Variants in AMN1 observed in about 807,000 individuals in gnomAD.
The protein encoded by AMN1 is protein AMN1 homolog.
A neutral mutation model predicts 33.0 loss-of-function variants in AMN1; 20 were observed. The ratio of observed to expected loss-of-function variants is 0.61; its 90% CI spans 0.43 to 0.88. The LOEUF is 0.88. AMN1 is among the 40% of genes least tolerant of loss of function. The pLI is 0.00. For synonymous variants in AMN1, 114 were observed against 111.9 expected (o/e 1.02, Z -0.12); for missense variants, 246 against 307.4 (o/e 0.80, Z 1.49).
chr12:31,707,993 T>C (rs968022956), intron 2 of AMN1, among the ~76,000 whole-genome samples: 4 of 152,322 alleles, frequency 2.6e-5, no homozygotes, highest in African/African-American at 9.6e-5. Context: ...GTACGTCACC[T>C]CTGGACCACT....
At chr12:31,726,652 G>C (rs1031881395) in intron 1 of AMN1, among the ~76,000 whole-genome samples, 1 of 152,208 alleles carries the variant, frequency 6.6e-6, no homozygotes, top group Admixed American at 6.5e-5. Flanking sequence ...TAAATAATGT[G>C]CTTAGTGACA....
chr12:31,697,566 T>G, intron 4 of AMN1, 149 bp from the exon 5 acceptor site: 2 of 1,034,966 alleles, frequency 1.9e-6, no homozygotes, highest in Non-Finnish European at 2.9e-6. Flanking sequence ...CCCTTGCTAC[T>G]TAATTGAGAG....
At chr12:31,716,395 C>T (rs568565998) in intron 1 of AMN1, among the ~76,000 whole-genome samples, 1 of 152,198 alleles carries the variant, frequency 6.6e-6, no homozygotes, top group African/African-American at 2.4e-5. Context: ...ACTGCTGGCT[C>T]ATAGGGTAGG....
At chr12:31,728,084 C>T (rs777467047) in intron 1 of AMN1, among the ~76,000 whole-genome samples, 2 of 152,022 alleles carry the variant, frequency 1.3e-5, no homozygotes, top group South Asian at 4.2e-4. Flanking sequence ...TGGTCTCGAA[C>T]TCCTGAGCTC....
chr12:31,712,949 C>T (rs1380569147), intron 1 of AMN1, among the ~76,000 whole-genome samples: 2 of 152,208 alleles, frequency 1.3e-5, no homozygotes, highest in Non-Finnish European at 2.9e-5. Context: ...CCACCATGCT[C>T]GGCCCATATT....
chr12:31,707,919 C>A (rs565588708), intron 2 of AMN1, among the ~76,000 whole-genome samples: 1 of 152,282 alleles, frequency 6.6e-6, no homozygotes, highest in South Asian at 2.1e-4. Flanking sequence ...ATAATGCTTT[C>A]ATAATTTCTT....
intron 6 of AMN1, among the ~76,000 whole-genome samples, chr12:31,677,069 C>T (rs369852576): frequency 1.3e-5 from 2 of 151,474 alleles, no homozygotes; most frequent in Non-Finnish European, 2.9e-5. Flanking sequence ...GAGGACGAGA[C>T]GGGCGGATCA....
At chr12:31,691,949 C>T (rs561212674) in intron 5 of AMN1, among the ~76,000 whole-genome samples, 156 of 152,166 alleles carry the variant, frequency 1.0e-3, no homozygotes, top group African/African-American at 3.5e-3. Flanking sequence ...GCAGTCTTGG[C>T]TCATTGCAAC....
Position 31,701,889 on chromosome 12 carries a change from C to A in AMN1, c.290G>T (p.Gly97Val), listed in dbSNP as rs1939019411. ...TTCTGAAGTTACAGAAACTCGGTTC[C>A]CTTTTGAAGCATTTAAATTTAATTT... ...LKKLNLNASK[G>V]NRVSVTSEGI... The change falls in exon 3 of 7, where the codon GGG becomes GTG. Residue 97 changes from glycine to valine, a missense_variant. By Grantham distance (109) the Gly-to-Val change is moderately radical (BLOSUM62 -3). Coordinates refer to ENST00000281471, the MANE Select transcript of AMN1 (RefSeq NM_001113402.2). The A allele has an allele frequency of 6.2e-7, 1 of 1,603,276 alleles. No individual in the cohort carries two copies. The highest frequency in any genetic ancestry group is 1.3e-5 in the African/African-American group (1 of 74,104).
At chr12:31,704,221 C>T (rs865834736) in intron 2 of AMN1, among the ~76,000 whole-genome samples, 5 of 152,150 alleles carry the variant, frequency 3.3e-5, no homozygotes, top group African/African-American at 9.7e-5. Context: ...TTTCTCCACA[C>T]TATTGCTAAC....
At chr12:31,720,297 T>A (rs960146201) in intron 1 of AMN1, among the ~76,000 whole-genome samples, 2 of 152,176 alleles carry the variant, frequency 1.3e-5, no homozygotes, top group African/African-American at 4.8e-5. Context: ...TCCCAGTACT[T>A]TGGGAAGCTG....
In AMN1 at chr12:31,728,981, G is replaced by A. The variant is rs1940196564; in HGVS notation, c.28C>T (p.Leu10Phe). 1.3e-6 allele frequency: 2 copies of A among 1,546,774 alleles called. No homozygotes were observed. The highest frequency in any genetic ancestry group is 1.7e-6 in the Non-Finnish European group (2 of 1,143,978). MPRPRRVSQ[L>F]LDLCLWCFMK... ...ACAGGGTAGACTCACAGATCCAGGA[G>A]CTGACTGACCCGCCGTGGGCGAGGC... Residue 10 changes from leucine to phenylalanine, a missense_variant, in exon 1 of 7, where the codon CTC becomes TTC. By Grantham distance (22) the Leu-to-Phe change is conservative (BLOSUM62 0). Transcript: ENST00000281471.
At chr12:31,676,806 T>G (rs61930411) in intron 6 of AMN1, among the ~76,000 whole-genome samples, 10,203 of 151,914 alleles carry the variant, frequency 0.067, 512 homozygotes, top group Non-Finnish European at 0.1. Flanking sequence ...GCATGTAACA[T>G]TTTTATGTAA....
chr12:31,685,981 A>G (rs1022210116), intron 6 of AMN1, among the ~76,000 whole-genome samples: 10 of 151,950 alleles, frequency 6.6e-5, no homozygotes, highest in African/African-American at 2.2e-4. Context: ...ATTTAGTGTC[A>G]TTAAGCTTTC....
upstream of AMN1, chr12:31,729,045 G>T (rs891435599): frequency 9.2e-6 from 14 of 1,522,720 alleles, no homozygotes; most frequent in African/African-American, 1.1e-4. Flanking sequence ...CGGTCCCAGG[G>T]CCTCCAGAAC....
intron 1 of AMN1, among the ~76,000 whole-genome samples, chr12:31,711,565 G>T (rs1416208981): frequency 6.6e-6 from 1 of 151,958 alleles, no homozygotes; most frequent in Non-Finnish European, 1.5e-5. Context: ...CATATCCTTT[G>T]CCTGTTTTGT....
At position 31,729,013 on chromosome 12, in the gene AMN1, G is replaced by A; in HGVS notation, c.-5C>T. ...GACCCGCCGTGGGCGAGGCATCGCT[G>A]CAGCGTCTGAAGCCTCTTCCGCGGT... is the stretch of plus-strand genomic sequence containing the variant. On this transcript the variant is annotated 5_prime_UTR_variant, in exon 1 of 7. Transcript: ENST00000281471. The A allele has an allele frequency of 6.5e-7, 1 of 1,543,996 alleles. No individual in the cohort carries two copies. Among genetic ancestry groups the A allele is most frequent in the Non-Finnish European group, 8.8e-7 (1 of 1,141,648 alleles).
rs1939796744 is a variant in AMN1, at chr12:31,719,321, TTC to T, written c.38+9648_38+9649del. 6.1e-6 allele frequency: 6 copies of T among 982,256 alleles called. No individual in the cohort carries two copies. In the South Asian group the frequency reaches 2.4e-4, roughly 39 times the overall value. The allele number at this position is 982,256 out of a possible 1,614,324, so 60.8% of individuals were successfully genotyped here. On this transcript the variant is annotated intron_variant, in intron 1 of 6. Coordinates refer to ENST00000281471, the MANE Select transcript of AMN1 (RefSeq NM_001113402.2). The stretch of plus-strand genomic sequence containing the variant: ...GCCATCTTGGAAGTGACCTCCCAAT[TTC>T]TTTTTAATGATATAAAATCTTTCCT...
intron 2 of AMN1, 111 bp from the exon 3 acceptor site, chr12:31,702,118 C>A: frequency 3.1e-6 from 3 of 968,144 alleles, no homozygotes; most frequent in Non-Finnish European, 4.5e-6. Flanking sequence ...ATGTAAAATA[C>A]AGCAAAGAAT....
Sources: gnomAD v4.1 joint callset for allele counts (sites outside exome capture counted in the v4.1 genomes callset) on GRCh38, gnomAD v4.1.1 for gene constraint, MANE v1.5 for transcripts, NCBI Gene and HGNC (gene_info 2026-07-23, HGNC 2026-07-21) for gene names.